Variants in ZNF385D observed in about 807,000 individuals in gnomAD.
ZNF385D encodes zinc finger protein 385D.
A neutral mutation model predicts 35.8 loss-of-function variants in ZNF385D; 15 were observed. The observed-to-expected ratio is 0.42, with a 90% CI of 0.28 to 0.64. The LOEUF (loss-of-function observed/expected upper bound fraction) is 0.64. ZNF385D is among the 30% of genes least tolerant of loss of function. The pLI is 0.23. For synonymous variants in ZNF385D, 212 were observed against 186.8 expected (o/e 1.13, Z -1.10); for missense variants, 474 against 494.6 (o/e 0.96, Z 0.39).
intron 4 of ZNF385D, among the ~76,000 whole-genome samples, chr3:21,459,137 A>G (rs570985783): frequency 6.6e-6 from 1 of 152,252 alleles, no homozygotes; most frequent in South Asian, 2.1e-4. Flanking sequence ...AGAAGTCTCA[A>G]GACAGGAGAC....
rs530080330 is a variant in ZNF385D at position 21,529,376 on chromosome 3, A to G, written c.277-18353T>C. 3.7e-4 allele frequency among the ~76,000 whole-genome samples: 56 copies of G among 152,292 alleles called. 2 individuals are homozygous for G. The South Asian group carries it at 0.011, about 29-fold the overall frequency. On this transcript the variant is annotated intron_variant, in intron 3 of 7. Transcript: ENST00000281523. ...GATGAAAACTCTCCAAGATCTTAAT[A>G]TAATGTATGTCAAAAATAAAAACTA...
intron 2 of ZNF385D, among the ~76,000 whole-genome samples, chr3:22,177,636 G>C (rs746995767): frequency 2.0e-5 from 3 of 152,090 alleles, no homozygotes; most frequent in Non-Finnish European, 4.4e-5. Flanking sequence ...ACAATGTGCA[G>C]GTTTGTTACA....
rs76624794 is a variant in ZNF385D, at chr3:22,346,204, G to C, written c.106+26246C>G. ...TAGAATGACTTAATTTATAAGCCAG[G>C]CTCCATAAATTCCTGTCTACCACTT... On this transcript the variant is annotated intron_variant, in intron 2 of 5. Coordinates refer to the ZNF385D transcript ENST00000494108. Among the ~76,000 whole-genome samples the C allele has an allele frequency of 4.4e-3, 670 of 152,172 alleles. 11 individuals carry two copies. The East Asian group carries it at 0.05, about 11-fold the overall frequency.
chr3:21,619,537 A>G (rs112587521), intron 2 of ZNF385D, among the ~76,000 whole-genome samples: 92 of 152,196 alleles, frequency 6.0e-4, no homozygotes, highest in African/African-American at 2.2e-3. Flanking sequence ...CAACCAAAAC[A>G]ACACTGATAA....
chr3:21,872,379 G>A (rs150329849), intron 3 of ZNF385D, among the ~76,000 whole-genome samples: 2 of 152,062 alleles, frequency 1.3e-5, no homozygotes, highest in African/African-American at 2.4e-5. Flanking sequence ...TATATTCCTA[G>A]CACTATGCAT....
intron 3 of ZNF385D, among the ~76,000 whole-genome samples, chr3:22,105,822 A>C (rs1263443638): frequency 2.0e-5 from 3 of 152,136 alleles, no homozygotes; most frequent in Non-Finnish European, 4.4e-5. Flanking sequence ...TCACAGACAA[A>C]ATAATGTTTA....
At chr3:22,351,167 G>T (rs572331278) in intron 2 of ZNF385D, among the ~76,000 whole-genome samples, 4 of 151,952 alleles carry the variant, frequency 2.6e-5, no homozygotes, top group Non-Finnish European at 4.4e-5. Flanking sequence ...AACCACTCAG[G>T]TTATTTTATA....
chr3:21,988,277 G>GT (rs1337198532), intron 3 of ZNF385D, among the ~76,000 whole-genome samples: 3 of 120,490 alleles, frequency 2.5e-5, no homozygotes, highest in African/African-American at 3.0e-5. Flanking sequence ...TTTCTGTTCT[G>GT]TTTTTTCCCC....
chr3:22,307,818 C>CAT (rs111356257), intron 2 of ZNF385D, among the ~76,000 whole-genome samples: 1,557 of 150,800 alleles, frequency 0.01, 16 homozygotes, highest in South Asian at 0.051. Flanking sequence ...TCACATAAGA[C>CAT]ATATGAAGCA....
At chr3:21,590,459 T>C (rs1012079064) in intron 2 of ZNF385D, among the ~76,000 whole-genome samples, 4 of 152,198 alleles carry the variant, frequency 2.6e-5, no homozygotes, top group Non-Finnish European at 5.9e-5. Flanking sequence ...ATACTTTGTA[T>C]ATTTGTATAC....
At position 21,508,977 on chromosome 3, in the gene ZNF385D, TTTTTTC is replaced by T. The variant is rs534077424; in HGVS notation, c.439+1878_439+1883del. On this transcript the variant is annotated intron_variant, in intron 4 of 7. Coordinates refer to ENST00000281523, the MANE Select transcript of ZNF385D (RefSeq NM_024697.3). ...GACAACACACCTGGGGGCTTTTTTT[TTTTTTC>T]TTTTTCTTTTTTGAGATGGAGTCTC... is the stretch of plus-strand genomic sequence containing the variant. Among the ~76,000 whole-genome samples, 221 of 151,300 alleles carry T rather than the reference TTTTTTC, an allele frequency of 1.5e-3. 1 individual carries two copies. Among genetic ancestry groups the T allele is most frequent in the African/African-American group, 5.0e-3 (207 of 41,326 alleles).
chr3:21,633,076 T>C (rs1385400723), intron 2 of ZNF385D, among the ~76,000 whole-genome samples: 1 of 152,096 alleles, frequency 6.6e-6, no homozygotes, highest in Admixed American at 6.6e-5. Flanking sequence ...TGGTATATTC[T>C]AGAGATTTAA....
chr3:21,613,158 A>G (rs1000381698), intron 2 of ZNF385D, among the ~76,000 whole-genome samples: 1 of 152,074 alleles, frequency 6.6e-6, no homozygotes, highest in Non-Finnish European at 1.5e-5. Context: ...TATTTCTGTA[A>G]CAGCATGGGT....
At chr3:21,635,633 AT>A (rs550367624) in intron 2 of ZNF385D, among the ~76,000 whole-genome samples, 2 of 151,996 alleles carry the variant, frequency 1.3e-5, no homozygotes, top group African/African-American at 4.8e-5. Context: ...TTTAGTAGTG[AT>A]TTGAGATTTT....
At chr3:22,167,295 A>C (rs1368163524) in intron 3 of ZNF385D, among the ~76,000 whole-genome samples, 4 of 152,138 alleles carry the variant, frequency 2.6e-5, no homozygotes, top group Non-Finnish European at 5.9e-5. Flanking sequence ...CCTTTGCTTT[A>C]GCCTTTCCTT....
intron 4 of ZNF385D, among the ~76,000 whole-genome samples, chr3:21,501,789 A>G (rs1478042666): frequency 2.0e-5 from 3 of 152,228 alleles, no homozygotes; most frequent in Non-Finnish European, 4.4e-5. Context: ...AAAACTCTCC[A>G]TGAACTCACA....
At chr3:22,291,900 ATTTTC>A (rs796338616) in intron 2 of ZNF385D, among the ~76,000 whole-genome samples, 13 of 152,126 alleles carry the variant, frequency 8.5e-5, no homozygotes, top group African/African-American at 2.6e-4. Flanking sequence ...CTGGTGAGAA[ATTTTC>A]TTTTCTTCTA....
chr3:22,007,107 C>A (rs1425328307), intron 3 of ZNF385D, among the ~76,000 whole-genome samples: 1 of 152,092 alleles, frequency 6.6e-6, no homozygotes, highest in East Asian at 1.9e-4. Flanking sequence ...TCAAAAAAAT[C>A]TACACCAAAA....
At chr3:22,253,938 T>A (rs1478552586) in intron 2 of ZNF385D, among the ~76,000 whole-genome samples, 1 of 151,994 alleles carries the variant, frequency 6.6e-6, no homozygotes, top group Non-Finnish European at 1.5e-5. Context: ...ATTAAATTCA[T>A]CCTCATCCAA....
Sources: allele counts gnomAD v4.1 joint callset (sites outside exome capture counted in the v4.1 genomes callset), GRCh38; gene constraint gnomAD v4.1.1; transcripts MANE v1.5; gene names NCBI Gene and HGNC (gene_info 2026-07-23, HGNC 2026-07-21).